Variants in TRHDE observed in about 807,000 individuals in gnomAD.
TRHDE encodes thyrotropin releasing hormone degrading enzyme, also known as thyrotropin-releasing hormone-degrading ectoenzyme.
TRHDE carries 72 observed loss-of-function variants against 125.7 expected under a neutral mutation model. The observed-to-expected ratio is 0.57, with a 90% CI of 0.47 to 0.70. TRHDE has a LOEUF of 0.70. Among genes scored for constraint, TRHDE ranks in the 30% least tolerant of loss-of-function variants. The pLI is 0.00. For synonymous variants in TRHDE, 509 were observed against 509.1 expected (o/e 1.00, Z 0.00); for missense variants, 1,110 against 1,327.1 (o/e 0.84, Z 2.54).
At chr12:72,350,373 G>A (rs1870527531) in intron 2 of TRHDE, among the ~76,000 whole-genome samples, 1 of 151,926 alleles carries the variant, frequency 6.6e-6, no homozygotes. Context: ...ACATCTCTCT[G>A]TTGCAAGCCA....
rs192141480 is a variant in TRHDE at position 72,434,459 on chromosome 12, T to C, written c.1316-35299T>C. On this transcript the variant is annotated intron_variant, in intron 3 of 18. Coordinates refer to ENST00000261180, the MANE Select transcript of TRHDE (RefSeq NM_013381.3). Reference sequence around the variant, plus strand: ...TTCCAAATACTTTATATGTTTGCTGTTTTTATAATTTTCATCAGGTAAGTT... The same window carrying C: ...TTCCAAATACTTTATATGTTTGCTGCTTTTATAATTTTCATCAGGTAAGTT... Among the ~76,000 whole-genome samples the C allele has an allele frequency of 2.9e-3, 447 of 152,034 alleles. 2 individuals are homozygous for C. Among genetic ancestry groups the C allele is most frequent in the Non-Finnish European group, 5.0e-3 (340 of 67,958 alleles).
intron 6 of TRHDE, among the ~76,000 whole-genome samples, chr12:72,524,375 A>G (rs1414170996): frequency 6.6e-6 from 1 of 152,140 alleles, no homozygotes; most frequent in East Asian, 1.9e-4. Flanking sequence ...AACAGTGAAG[A>G]TTACAAAGTG....
intron 7 of TRHDE, among the ~76,000 whole-genome samples, chr12:72,545,295 C>T (rs947257134): frequency 6.6e-6 from 1 of 151,332 alleles, no homozygotes; most frequent in Non-Finnish European, 1.5e-5. Flanking sequence ...AAACATGAGG[C>T]AATAGAATAA....
intron 18 of TRHDE, among the ~76,000 whole-genome samples, chr12:72,662,049 A>G (rs1217165171): frequency 1.3e-5 from 2 of 152,194 alleles, no homozygotes; most frequent in Non-Finnish European, 2.9e-5. Context: ...TCAGAAAGTT[A>G]TAACCGCATT....
At chr12:72,652,250 C>T (rs947853571) in intron 15 of TRHDE, 72 bp from the exon 16 acceptor site, 147 of 1,187,748 alleles carry the variant, frequency 1.2e-4, no homozygotes, top group Admixed American at 1.5e-4. Context: ...GTAAATAAAG[C>T]AAAACCTGTC....
intron 2 of TRHDE, among the ~76,000 whole-genome samples, chr12:72,349,025 T>C (rs1870460110): frequency 6.6e-6 from 1 of 152,058 alleles, no homozygotes. Flanking sequence ...CTCTGACATG[T>C]TTCTAGCTTG....
Position 72,194,804 on chromosome 12 carries a change from T to C in TRHDE, n.279+89052T>C, listed in dbSNP as rs139860254. 9.4e-4 allele frequency among the ~76,000 whole-genome samples: 143 copies of C among 152,260 alleles called. 1 individual carries two copies. Among genetic ancestry groups the C allele is most frequent in the Middle Eastern group, 3.4e-3 (1 of 294 alleles). On this transcript the variant is annotated intron_variant and non_coding_transcript_variant, in intron 2 of 4. Coordinates refer to the TRHDE transcript ENST00000548156. ...TTGATGGGTGTTTAGATTGACTCTATGTCTTTGCTATTGTGAATAGTGCTG... is the reference window on the plus strand; with the variant it reads ...TTGATGGGTGTTTAGATTGACTCTACGTCTTTGCTATTGTGAATAGTGCTG...
chr12:72,374,658 A>G (rs1034076152), intron 2 of TRHDE, among the ~76,000 whole-genome samples: 3 of 152,128 alleles, frequency 2.0e-5, no homozygotes, highest in African/African-American at 7.2e-5. Flanking sequence ...AGCGAATAAA[A>G]TGCTTTAAGG....
chr12:72,561,780 C>T (rs1870189478), intron 7 of TRHDE, among the ~76,000 whole-genome samples: 1 of 151,998 alleles, frequency 6.6e-6, no homozygotes, highest in Admixed American at 6.6e-5. Context: ...TTCTTTTTTT[C>T]ATAAAATATT....
intron 7 of TRHDE, among the ~76,000 whole-genome samples, chr12:72,545,881 C>T (rs1415307568): frequency 2.0e-5 from 3 of 151,530 alleles, no homozygotes; most frequent in Non-Finnish European, 4.4e-5. Context: ...TAAATTCCAT[C>T]TTCTAATGTT....
chr12:72,559,072 G>T (rs185292434), intron 7 of TRHDE, among the ~76,000 whole-genome samples: 2 of 152,070 alleles, frequency 1.3e-5, no homozygotes, highest in African/African-American at 4.8e-5. Flanking sequence ...AAGGCAACTC[G>T]CACAGTGTTA....
intron 12 of TRHDE, among the ~76,000 whole-genome samples, chr12:72,615,252 T>C (rs1008349049): frequency 6.6e-6 from 1 of 152,182 alleles, no homozygotes; most frequent in Non-Finnish European, 1.5e-5. Flanking sequence ...ACACATACAA[T>C]ATGTTGTTCT....
chr12:72,496,717 C>T (rs1313289882), intron 5 of TRHDE, among the ~76,000 whole-genome samples: 1 of 152,098 alleles, frequency 6.6e-6, no homozygotes, highest in Non-Finnish European at 1.5e-5. Context: ...TCTGTTTTAT[C>T]TCTTATCTCA....
intron 2 of TRHDE, among the ~76,000 whole-genome samples, chr12:72,156,258 G>T (rs1238944478): frequency 1.3e-5 from 2 of 152,188 alleles, no homozygotes; most frequent in East Asian, 1.9e-4. Flanking sequence ...ACAGTATTAG[G>T]GTGGGAGTGA....
intron 2 of TRHDE, among the ~76,000 whole-genome samples, chr12:72,366,140 C>T (rs1871330700): frequency 6.6e-6 from 1 of 152,078 alleles, no homozygotes; most frequent in Non-Finnish European, 1.5e-5. Flanking sequence ...AGGATAATCT[C>T]CAGTAATCTA....
intron 1 of TRHDE, among the ~76,000 whole-genome samples, chr12:72,103,655 C>G (rs1336265213): frequency 6.6e-6 from 1 of 152,076 alleles, no homozygotes; most frequent in Non-Finnish European, 1.5e-5. Flanking sequence ...CTGGCCTTCC[C>G]CATTACAGTA....
intron 15 of TRHDE, among the ~76,000 whole-genome samples, chr12:72,638,217 G>T (rs1156331071): frequency 6.7e-6 from 1 of 148,702 alleles, no homozygotes; most frequent in East Asian, 2.0e-4. Context: ...ATTTAGGATA[G>T]TTAGCTCTTC....
chr12:72,443,191 C>CCT (rs1565743316), intron 3 of TRHDE, among the ~76,000 whole-genome samples: 4 of 111,366 alleles, frequency 3.6e-5, no homozygotes, highest in African/African-American at 1.7e-4. Context: ...CTACTTCTTT[C>CCT]CTGTGTGTGT....
chr12:72,642,579 C>G (rs943647736), intron 15 of TRHDE, among the ~76,000 whole-genome samples: 6 of 152,068 alleles, frequency 3.9e-5, no homozygotes, highest in African/African-American at 1.4e-4. Context: ...ATGAGGGTAG[C>G]TAGGAGAGGC....
Sources: gnomAD v4.1 joint callset for allele counts (sites outside exome capture counted in the v4.1 genomes callset) on GRCh38, gnomAD v4.1.1 for gene constraint, MANE v1.5 for transcripts, NCBI Gene and HGNC (gene_info 2026-07-23, HGNC 2026-07-21) for gene names.